TMTC2: variants seen among roughly 807,000 people sequenced by gnomAD.
The protein encoded by TMTC2 is protein O-mannosyl-transferase TMTC2.
TMTC2 carries 43 observed loss-of-function variants against 82.4 expected under a neutral mutation model. The observed-to-expected ratio is 0.52, with a 90% confidence interval of 0.41 to 0.67. TMTC2 has a LOEUF of 0.67. Among genes scored for constraint, TMTC2 ranks in the 30% least tolerant of loss-of-function variants. TMTC2 has a pLI of 0.00. For missense variants in TMTC2, 919 were observed against 1,012.4 expected (o/e 0.91, Z 1.25); for synonymous variants, 408 against 381.9 (o/e 1.07, Z -0.80).
intron 8 of TMTC2, among the ~76,000 whole-genome samples, chr12:83,021,069 T>C (rs73152222): frequency 0.19 from 28,202 of 152,170 alleles, 2,669 homozygotes; most frequent in Middle Eastern, 0.25. Context: ...GTTTACTTTT[T>C]ATAATTCTTT....
At chr12:82,821,369 A>C (rs934864671) in intron 1 of TMTC2, among the ~76,000 whole-genome samples, 1 of 152,176 alleles carries the variant, frequency 6.6e-6, no homozygotes, top group Non-Finnish European at 1.5e-5. Context: ...CATGATGCCA[A>C]GTTTGTAAAT....
At chr12:83,086,582 A>G (rs922838801) in intron 11 of TMTC2, among the ~76,000 whole-genome samples, 3 of 152,190 alleles carry the variant, frequency 2.0e-5, no homozygotes, top group Non-Finnish European at 1.5e-5. Flanking sequence ...AAATGCCTCA[A>G]AGATATGGCA....
At chr12:82,812,024 G>A (rs1868427695) in intron 1 of TMTC2, among the ~76,000 whole-genome samples, 1 of 151,788 alleles carries the variant, frequency 6.6e-6, no homozygotes, top group South Asian at 2.1e-4. Flanking sequence ...CGCCATGTTG[G>A]CCAGGCTGGT....
At chr12:82,779,709 AC>A (rs1359505328) in intron 1 of TMTC2, among the ~76,000 whole-genome samples, 1 of 152,090 alleles carries the variant, frequency 6.6e-6, no homozygotes, top group Non-Finnish European at 1.5e-5. Context: ...GACCAGTCTA[AC>A]CAATATGGTG....
At chr12:82,975,421 T>C (rs966248951) in intron 7 of TMTC2, among the ~76,000 whole-genome samples, 7 of 152,276 alleles carry the variant, frequency 4.6e-5, no homozygotes, top group African/African-American at 1.7e-4. Context: ...TGAGAAGCAA[T>C]AACTGTTGCC....
chr12:82,870,911 T>C (rs1872140413), intron 2 of TMTC2, among the ~76,000 whole-genome samples: 1 of 152,168 alleles, frequency 6.6e-6, no homozygotes, highest in Non-Finnish European at 1.5e-5. Flanking sequence ...CAGCCTGAAG[T>C]TTCTGGTTCT....
chr12:82,726,579 G>T (rs768117794), intron 1 of TMTC2, among the ~76,000 whole-genome samples: 3 of 152,092 alleles, frequency 2.0e-5, no homozygotes, highest in Non-Finnish European at 4.4e-5. Flanking sequence ...TGGTCACATA[G>T]CTAGAAAGTG....
chr12:82,911,044 C>T (rs1339609113), intron 3 of TMTC2, among the ~76,000 whole-genome samples: 1 of 152,018 alleles, frequency 6.6e-6, no homozygotes, highest in African/African-American at 2.4e-5. Flanking sequence ...CCATGCCCGG[C>T]TAATTTTTTG....
intron 2 of TMTC2, among the ~76,000 whole-genome samples, chr12:82,877,798 C>A (rs1022790177): frequency 2.0e-5 from 3 of 152,074 alleles, no homozygotes; most frequent in Non-Finnish European, 1.5e-5. Context: ...AATGTTTTCC[C>A]ATTGTTTTAA....
At chr12:83,127,819 T>C (rs1440604957) in intron 11 of TMTC2, among the ~76,000 whole-genome samples, 4 of 152,114 alleles carry the variant, frequency 2.6e-5, no homozygotes, top group Non-Finnish European at 5.9e-5. Flanking sequence ...TATACATCCA[T>C]TATTTTAAAT....
intron 1 of TMTC2, among the ~76,000 whole-genome samples, chr12:82,838,463 A>G (rs1316656951): frequency 6.6e-6 from 1 of 152,262 alleles, no homozygotes; most frequent in Non-Finnish European, 1.5e-5. Context: ...GAGCCCATTA[A>G]GCAGTGTTGG....
chr12:82,990,560 T>C (rs1042167856), intron 8 of TMTC2, among the ~76,000 whole-genome samples: 1 of 152,174 alleles, frequency 6.6e-6, no homozygotes, highest in Non-Finnish European at 1.5e-5. Flanking sequence ...CAGTTCCTTT[T>C]TTGTTTTTTC....
chr12:83,010,340 A>G (rs896206404), intron 8 of TMTC2, among the ~76,000 whole-genome samples: 2 of 152,138 alleles, frequency 1.3e-5, no homozygotes, highest in Admixed American at 6.5e-5. Context: ...GGCCTCCCAG[A>G]TTGTATCAAG....
intron 1 of TMTC2, among the ~76,000 whole-genome samples, chr12:82,721,418 GT>G (rs969384462): frequency 6.6e-6 from 1 of 151,876 alleles, no homozygotes; most frequent in Non-Finnish European, 1.5e-5. Context: ...TTTTAATTTT[GT>G]TTTTTTCTTT....
intron 1 of TMTC2, among the ~76,000 whole-genome samples, chr12:82,845,252 A>AAAAAAAATATAT (rs1555190264): frequency 2.6e-5 from 1 of 38,806 alleles, no homozygotes; most frequent in African/African-American, 1.0e-4. Context: ...AAAAAAAAAA[A>AAAAAAAATATAT]ATATATATAT....
chr12:83,027,526 A>AG (rs1307397502), intron 8 of TMTC2, among the ~76,000 whole-genome samples: 1 of 152,044 alleles, frequency 6.6e-6, no homozygotes, highest in African/African-American at 2.4e-5. Flanking sequence ...GGAAAAAAAA[A>AG]TGATTTCGTC....
chr12:83,052,146 G>A (rs1882374289), intron 10 of TMTC2, among the ~76,000 whole-genome samples: 2 of 151,894 alleles, frequency 1.3e-5, no homozygotes, highest in Non-Finnish European at 2.9e-5. Context: ...CTCTTACAAG[G>A]AAAGAATAAT....
At chr12:83,040,725 G>A (rs555938987) in intron 9 of TMTC2, among the ~76,000 whole-genome samples, 7 of 135,400 alleles carry the variant, frequency 5.2e-5, no homozygotes, top group South Asian at 4.6e-4. Flanking sequence ...TCGCTCAGTC[G>A]CCCAGGCTGA....
intron 3 of TMTC2, among the ~76,000 whole-genome samples, chr12:82,917,936 C>T (rs1435261616): frequency 2.0e-5 from 3 of 151,966 alleles, no homozygotes; most frequent in Admixed American, 2.0e-4. Context: ...CTCACTCTGT[C>T]ACCCAGGCTA....
Sources: gnomAD v4.1 joint callset for allele counts (sites outside exome capture counted in the v4.1 genomes callset) on GRCh38, gnomAD v4.1.1 for gene constraint, MANE v1.5 for transcripts, NCBI Gene and HGNC (gene_info 2026-07-23, HGNC 2026-07-21) for gene names.